DOCK1: variants seen among roughly 807,000 people sequenced by gnomAD.
The protein encoded by DOCK1 is dedicator of cytokinesis 1, also known as dedicator of cytokinesis protein 1.
A neutral mutation model predicts 262.7 loss-of-function variants in DOCK1; 138 were observed. The observed-to-expected ratio is 0.53, with a 90% confidence interval of 0.46 to 0.61. The LOEUF is 0.61. Ranked by LOEUF, DOCK1 falls within the 20% of genes least tolerant of loss-of-function variation. The pLI is 0.00. For missense variants in DOCK1, 1,908 were observed against 2,370.7 expected (o/e 0.80, Z 4.05); for synonymous variants, 866 against 867.4 (o/e 1.00, Z 0.03).
At chr10:126,945,526 G>C (rs1489833374) in intron 1 of DOCK1, among the ~76,000 whole-genome samples, 3 of 152,056 alleles carry the variant, frequency 2.0e-5, no homozygotes, top group African/African-American at 7.2e-5. Context: ...TTTTGTAACT[G>C]AATCATGGAA....
intron 1 of DOCK1, among the ~76,000 whole-genome samples, chr10:126,924,514 A>G (rs2033524952): frequency 6.6e-6 from 1 of 152,026 alleles, no homozygotes; most frequent in South Asian, 2.1e-4. Flanking sequence ...GTCTCTGGGG[A>G]GCCCTGTCTG....
intron 23 of DOCK1, among the ~76,000 whole-genome samples, chr10:127,086,687 A>G (rs1345924674): frequency 6.6e-6 from 1 of 152,222 alleles, no homozygotes; most frequent in Non-Finnish European, 1.5e-5. Flanking sequence ...GTTCTTAAAA[A>G]GTCCCGTGTC....
At position 127,362,225 on chromosome 10, in the gene DOCK1, A is replaced by T; in HGVS notation, c.3432+13A>T. The T allele has an allele frequency of 6.2e-7, 1 of 1,609,464 alleles. No individual in the cohort carries two copies. The highest frequency in any genetic ancestry group is 8.5e-7 in the Non-Finnish European group (1 of 1,177,958). ...AAGCTTCCAAATGGTAAGGACGTAG[A>T]TGTGCAGCGAGTGGCCGGGGGACAT... is the stretch of plus-strand genomic sequence containing the variant. On this transcript the variant is annotated intron_variant, in intron 33 of 51. Transcript: ENST00000623213.
At chr10:127,215,451 C>T (rs1201186247) in intron 27 of DOCK1, among the ~76,000 whole-genome samples, 12 of 152,160 alleles carry the variant, frequency 7.9e-5, no homozygotes, top group Admixed American at 3.3e-4. Flanking sequence ...CCAGTTCCCA[C>T]GGATAGCCGG....
chr10:127,021,429 C>T (rs995789397), intron 13 of DOCK1, among the ~76,000 whole-genome samples: 7 of 152,264 alleles, frequency 4.6e-5, no homozygotes, highest in South Asian at 2.1e-4. Flanking sequence ...CCTCGCAAAG[C>T]GCTGGGATTA....
rs771545500 is a variant in DOCK1 at position 127,106,237 on chromosome 10, G to T, written c.2452G>T (p.Ala818Ser). 4 of 1,586,686 alleles carry T rather than the reference G, an allele frequency of 2.5e-6. No individual in the cohort carries two copies. The highest frequency in any genetic ancestry group is 3.4e-6 in the Non-Finnish European group (4 of 1,164,752). Residue 818 changes from alanine to serine, a missense_variant, in exon 24 of 52, where the codon GCA becomes TCA. Physicochemically the swap from Ala to Ser is moderately conservative, Grantham distance 99. Around this residue, in one of 9 missense-constraint regions of DOCK1, gnomAD observed 518 missense variants for 575.1 expected, o/e 0.90. Coordinates refer to ENST00000623213, the MANE Select transcript of DOCK1 (RefSeq NM_001290223.2). ...CTTGTTTCTTGATTTGCAGGGGGCA[G>T]CACTGAAATACTTACCAACGATCGT... The part of the protein sequence containing the change: ...SDQTVRVKGA[A>S]LKYLPTIVND...
intron 27 of DOCK1, among the ~76,000 whole-genome samples, chr10:127,160,087 CT>C (rs2053459803): frequency 6.6e-6 from 1 of 150,754 alleles, no homozygotes; most frequent in Non-Finnish European, 1.5e-5. Flanking sequence ...ACTAACAACT[CT>C]GAGGCAATCA....
At position 126,948,558 on chromosome 10, in the gene DOCK1, G is replaced by T. The variant is rs1269187281; in HGVS notation, c.47-22144G>T. Among the ~76,000 whole-genome samples the T allele has an allele frequency of 2.0e-5, 3 of 151,912 alleles. No homozygotes were observed. The East Asian group carries it at 5.8e-4, about 29-fold the overall frequency. The stretch of plus-strand genomic sequence containing the variant: ...GATGAACCTCTTTTTTACGTGGGGT[G>T]GGGTCGGGATAGGCACCCTGAAACA... On this transcript the variant is annotated intron_variant, in intron 1 of 51. Transcript: ENST00000623213.
At chr10:126,949,954 G>C (rs928160390) in intron 1 of DOCK1, among the ~76,000 whole-genome samples, 1 of 152,152 alleles carries the variant, frequency 6.6e-6, no homozygotes, top group Non-Finnish European at 1.5e-5. Flanking sequence ...GTTGTGGCTA[G>C]GGACAGAAGC....
At chr10:126,994,736 T>C (rs2040043920) in intron 6 of DOCK1, among the ~76,000 whole-genome samples, 1 of 152,334 alleles carries the variant, frequency 6.6e-6, no homozygotes, top group South Asian at 2.1e-4. Context: ...ACAGACACAG[T>C]AACAATCTGA....
At chr10:127,435,858 T>C (rs1383089424) in intron 48 of DOCK1, among the ~76,000 whole-genome samples, 1 of 152,222 alleles carries the variant, frequency 6.6e-6, no homozygotes, top group African/African-American at 2.4e-5. Flanking sequence ...ACAGGTTACA[T>C]GCAGAATAAA....
chr10:127,411,180 T>A (rs540899189), intron 43 of DOCK1, among the ~76,000 whole-genome samples: 1 of 152,244 alleles, frequency 6.6e-6, no homozygotes, highest in Admixed American at 6.5e-5. Context: ...GGAGCTCCCA[T>A]ATGAGTAGCG....
intron 27 of DOCK1, among the ~76,000 whole-genome samples, chr10:127,157,365 T>A (rs1334418): frequency 0.3 from 45,234 of 151,918 alleles, 6,988 homozygotes; most frequent in African/African-American, 0.36. Context: ...CAGGTGAGAG[T>A]GGGGAGAGAT....
intron 4 of DOCK1, among the ~76,000 whole-genome samples, chr10:126,985,356 A>T (rs2039304997): frequency 6.6e-6 from 1 of 152,168 alleles, no homozygotes; most frequent in South Asian, 2.1e-4. Context: ...GGCAGGCATT[A>T]TTGGGGTTAC....
intron 4 of DOCK1, among the ~76,000 whole-genome samples, chr10:126,986,636 G>T (rs546632681): frequency 6.6e-6 from 1 of 152,228 alleles, no homozygotes; most frequent in Admixed American, 6.5e-5. Context: ...GGGGCTGGGC[G>T]CGGTGGCTCA....
Position 127,373,882 on chromosome 10 carries a change from C to A in DOCK1, c.3518+16C>A. Reference sequence around the variant, plus strand: ...TTGATAAAATGTAAGTGTTGATTAGCAGTGGGATTTATGTCTGAGAGATAC... The same window carrying A: ...TTGATAAAATGTAAGTGTTGATTAGAAGTGGGATTTATGTCTGAGAGATAC... On this transcript the variant is annotated intron_variant, in intron 34 of 51. Coordinates refer to ENST00000623213, the MANE Select transcript of DOCK1 (RefSeq NM_001290223.2). 1.3e-6 allele frequency: 2 copies of A among 1,593,322 alleles called. No individual in the cohort carries two copies. The highest frequency in any genetic ancestry group is 1.7e-6 in the Non-Finnish European group (2 of 1,168,668).
chr10:127,381,031 A>G (rs185174571), intron 36 of DOCK1, among the ~76,000 whole-genome samples: 1 of 152,298 alleles, frequency 6.6e-6, no homozygotes, highest in Non-Finnish European at 1.5e-5. Context: ...AAAAATGTTT[A>G]AGGGAAAATG....
At chr10:127,362,383 A>T (rs1424235358) in intron 33 of DOCK1, among the ~76,000 whole-genome samples, 171 bp downstream of exon 33, 2 of 152,218 alleles carry the variant, frequency 1.3e-5, no homozygotes, top group Non-Finnish European at 2.9e-5. Flanking sequence ...GAAGAAGCTT[A>T]TCATCCCTTG....
intron 29 of DOCK1, among the ~76,000 whole-genome samples, chr10:127,330,655 C>A (rs538343181): frequency 1.3e-5 from 2 of 152,312 alleles, no homozygotes; most frequent in South Asian, 4.2e-4. Flanking sequence ...AGGGTTGCAG[C>A]CTGCAGGCCA....
Sources: allele counts gnomAD v4.1 joint callset (sites outside exome capture counted in the v4.1 genomes callset), GRCh38; gene constraint gnomAD v4.1.1; regional missense constraint gnomAD v4.1.1; transcripts MANE v1.5; gene names NCBI Gene and HGNC (gene_info 2026-07-23, HGNC 2026-07-21).